HHLA1: variants seen among roughly 807,000 people sequenced by gnomAD.
The protein encoded by HHLA1 is HERV-H LTR-associating protein 1.
Under a neutral mutation model 69.9 loss-of-function variants are expected in HHLA1, and 72 were observed. The ratio of observed to expected loss-of-function variants is 1.03; its 90% confidence interval spans 0.85 to 1.25. The LOEUF (loss-of-function observed/expected upper bound fraction) is 1.25, where lower values mean the gene tolerates loss of function less well. Among genes scored for constraint, HHLA1 ranks in the 50% most tolerant of loss-of-function variants. HHLA1 has a pLI of 0.00. For missense variants in HHLA1, 685 were observed against 642.2 expected (o/e 1.07, Z -0.72); for synonymous variants, 252 against 233.2 (o/e 1.08, Z -0.73).
chr8:132,100,115 T>C lies in HHLA1; in HGVS notation c.159A>G (p.Glu53=). 1 of 1,551,206 alleles carries C rather than the reference T, an allele frequency of 6.4e-7. No individual in the cohort carries two copies. The highest frequency in any genetic ancestry group is 8.7e-7 in the Non-Finnish European group (1 of 1,146,572). Residue 53 remains glutamate (E), a synonymous_variant, in exon 4 of 17, where the codon GAA becomes GAG. Transcript: ENST00000414222. The part of the protein sequence containing the change: ...LPTTVSGLRE[E]ERKEKGVAFL... ...ATGCCACCCCCTTCTCCTTCCTCTC[T>C]TCTTCTCTAAGGCCAGACACTGGGA...
intron 7 of HHLA1, among the ~76,000 whole-genome samples, chr8:132,092,879 A>T (rs1321154504): frequency 6.6e-6 from 1 of 152,230 alleles, no homozygotes; most frequent in African/African-American, 2.4e-5. Flanking sequence ...GAGAACACAG[A>T]TCATTATGAA....
At chr8:132,101,564 A>T (rs1372113306) in intron 3 of HHLA1, among the ~76,000 whole-genome samples, 8 of 148,086 alleles carry the variant, frequency 5.4e-5, no homozygotes. Flanking sequence ...AACACTTAAC[A>T]TGAAATCTAC....
intron 7 of HHLA1, among the ~76,000 whole-genome samples, chr8:132,091,649 T>G (rs1031023410): frequency 6.6e-6 from 1 of 152,256 alleles, no homozygotes; most frequent in Non-Finnish European, 1.5e-5. Flanking sequence ...AATGAATGAT[T>G]CATGACTACC....
intron 15 of HHLA1, among the ~76,000 whole-genome samples, chr8:132,067,884 T>C (rs1823468453): frequency 6.6e-6 from 1 of 152,118 alleles, no homozygotes. Context: ...CCACATAGCT[T>C]GTAAGTGGCA....
chr8:132,070,573 C>T (rs1443609031), intron 15 of HHLA1, among the ~76,000 whole-genome samples: 1 of 152,148 alleles, frequency 6.6e-6, no homozygotes, highest in East Asian at 1.9e-4. Flanking sequence ...AAACTCAACA[C>T]AATTCAACTT....
chr8:132,070,152 G>C, intron 15 of HHLA1: 1 of 524,954 alleles, frequency 1.9e-6, no homozygotes, highest in East Asian at 3.1e-5. Flanking sequence ...TAACATTAAA[G>C]ACAGGAGAGA....
intron 13 of HHLA1, 24 bp downstream of exon 13, chr8:132,076,451 C>G: frequency 6.8e-7 from 1 of 1,480,950 alleles, no homozygotes; most frequent in South Asian, 1.2e-5. Context: ...CCCCAAACCC[C>G]CACTTCCGTA....
chr8:132,084,996 G>T (rs1179530432), intron 10 of HHLA1, among the ~76,000 whole-genome samples: 2 of 151,806 alleles, frequency 1.3e-5, no homozygotes, highest in African/African-American at 2.4e-5. Context: ...AGGAGAAGGG[G>T]TTGAGGGGTA....
intron 14 of HHLA1, among the ~76,000 whole-genome samples, chr8:132,072,287 C>A (rs996293534): frequency 1.3e-5 from 2 of 152,048 alleles, no homozygotes; most frequent in African/African-American, 4.8e-5. Context: ...TATGGCTACA[C>A]CTACATTTCC....
At chr8:132,066,588 C>T (rs1404204300) in intron 15 of HHLA1, among the ~76,000 whole-genome samples, 1 of 152,220 alleles carries the variant, frequency 6.6e-6, no homozygotes, top group African/African-American at 2.4e-5. Context: ...TCAACTAGCT[C>T]ATTGTATGAC....
rs1164781832 is a variant in HHLA1, at chr8:132,077,830, G to A, written c.1067C>T (p.Thr356Ile). 1 of 1,551,492 alleles carries A rather than the reference G, an allele frequency of 6.4e-7. No homozygotes were observed. The highest frequency in any genetic ancestry group is 8.7e-7 in the Non-Finnish European group (1 of 1,146,988). ...SLWETRSSPPTTAGTEEAMNT... is the reference protein window; with the variant it reads ...SLWETRSSPPITAGTEEAMNT... ...CATGGCTTCCTCGGTCCCTGCAGTAGTCGGTGGGGAAGAACGAGTTTCCCA... is the reference window on the plus strand; with the variant it reads ...CATGGCTTCCTCGGTCCCTGCAGTAATCGGTGGGGAAGAACGAGTTTCCCA... Residue 356 changes from threonine (T) to isoleucine (I), a missense_variant, in exon 12 of 17, where the codon ACT becomes ATT. Coordinates refer to ENST00000414222, the MANE Select transcript of HHLA1 (RefSeq NM_001145095.3).
intron 12 of HHLA1, 24 bp from the exon 13 acceptor site, chr8:132,076,567 G>T: frequency 1.4e-6 from 2 of 1,475,432 alleles, no homozygotes; most frequent in South Asian, 2.7e-5. Flanking sequence ...AGAGAGAGGT[G>T]AGCCTGCATC....
intron 3 of HHLA1, among the ~76,000 whole-genome samples, chr8:132,102,479 T>A (rs1480145425): frequency 1.3e-5 from 2 of 152,236 alleles, no homozygotes; most frequent in African/African-American, 4.8e-5. Flanking sequence ...CAGACATACT[T>A]AAGCAGGGCA....
At chr8:132,086,042 C>T (rs1823855476) in intron 10 of HHLA1, among the ~76,000 whole-genome samples, 2 of 152,066 alleles carry the variant, frequency 1.3e-5, no homozygotes, top group Non-Finnish European at 2.9e-5. Flanking sequence ...TAAGAAGCTC[C>T]CAGACAGAAA....
At chr8:132,094,267 G>C (rs1175384881) in intron 7 of HHLA1, among the ~76,000 whole-genome samples, 3 of 152,182 alleles carry the variant, frequency 2.0e-5, no homozygotes, top group East Asian at 3.9e-4. Context: ...TTACAATCTC[G>C]TATTTAACAA....
In HHLA1 at chr8:132,095,765, AAGG is replaced by A. The variant is rs541512142; in HGVS notation, c.299_301del (p.Ser100del). The A allele has an allele frequency of 1.5e-4, 232 of 1,551,150 alleles. 3 individuals carry two copies. In the South Asian group the frequency reaches 2.7e-3, roughly 18 times the overall value. ...GGAACTGTAGGAAGTGACACTCAGC[AAGG>A]AGAAGAACTTCTTGCTATCTGCCAA... On this transcript the variant is annotated inframe_deletion, in exon 6 of 17. Transcript: ENST00000414222.
chr8:132,106,150 G>A (rs1193052270), intron 1 of HHLA1, among the ~76,000 whole-genome samples: 2 of 152,188 alleles, frequency 1.3e-5, no homozygotes, highest in Non-Finnish European at 2.9e-5. Flanking sequence ...GATACGATTT[G>A]AAAAGAGGAG....
In HHLA1 at chr8:132,063,498, TA is replaced by T. The variant is rs1823386496; in HGVS notation, c.*496del. The T allele has an allele frequency of 6.6e-6, 1 of 152,388 alleles. No individual in the cohort carries two copies. The highest frequency in any genetic ancestry group is 2.4e-5 in the African/African-American group (1 of 41,462). 9.4% of individuals were successfully genotyped at this position (152,388 alleles called of 1,614,324 possible). On this transcript the variant is annotated 3_prime_UTR_variant, in exon 17 of 17. Coordinates refer to ENST00000414222, the MANE Select transcript of HHLA1 (RefSeq NM_001145095.3). ...TGGCAAGTCTGATTGGTTGTACATG[TA>T]TTAGTTAACTATCAGTATATGTGAA...
Position 132,098,910 on chromosome 8 carries a change from C to T in HHLA1, c.252G>A (p.Val84=). ...TTAACGCTCTACTGAGCATCCCATT[C>T]ACAAGCTCTGTCAGGTTAAGCGCGG... ...DLSALNLTEL[V]NGMLSRALKD... Residue 84 remains valine, a synonymous_variant, in exon 5 of 17, where the codon GTG becomes GTA. Transcript: ENST00000414222. 6.4e-7 allele frequency: 1 copy of T among 1,551,266 alleles called. No homozygotes were observed. Among genetic ancestry groups the T allele is most frequent in the South Asian group, 1.2e-5 (1 of 84,032 alleles).
Sources: allele counts gnomAD v4.1 joint callset (sites outside exome capture counted in the v4.1 genomes callset), GRCh38; gene constraint gnomAD v4.1.1; transcripts MANE v1.5; gene names NCBI Gene and HGNC (gene_info 2026-07-23, HGNC 2026-07-21).